The following MARCHF1 variants were observed in gnomAD, a reference collection of about 807,000 sequenced individuals.
MARCHF1 encodes membrane associated ring-CH-type finger 1, also known as E3 ubiquitin-protein ligase MARCHF1.
MARCHF1 carries 40 observed loss-of-function variants against 54.2 expected under a neutral mutation model. The observed-to-expected ratio is 0.74, with a 90% CI of 0.57 to 0.96. MARCHF1 has a LOEUF of 0.96. Among genes scored for constraint, MARCHF1 ranks in the 40% least tolerant of loss-of-function variants. The pLI is 0.00. For synonymous variants in MARCHF1, 236 were observed against 236.3 expected (o/e 1.00, Z 0.01); for missense variants, 586 against 656.5 (o/e 0.89, Z 1.17).
intron 3 of MARCHF1, among the ~76,000 whole-genome samples, chr4:163,884,597 T>C (rs1478542911): frequency 6.6e-6 from 1 of 152,144 alleles, no homozygotes; most frequent in Non-Finnish European, 1.5e-5. Flanking sequence ...TGGGACCTAG[T>C]CAGGTCACAG....
intron 2 of MARCHF1, among the ~76,000 whole-genome samples, chr4:164,038,009 T>C (rs889384569): frequency 6.6e-6 from 1 of 152,140 alleles, no homozygotes; most frequent in Non-Finnish European, 1.5e-5. Flanking sequence ...GGTGTGGCCA[T>C]GAAACTGCAC....
chr4:163,739,285 G>T (rs575817671), intron 4 of MARCHF1, among the ~76,000 whole-genome samples: 1 of 152,272 alleles, frequency 6.6e-6, no homozygotes, highest in Non-Finnish European at 1.5e-5. Flanking sequence ...CACTGAATCA[G>T]ACTATCCCAG....
intron 1 of MARCHF1, among the ~76,000 whole-genome samples, chr4:164,201,280 T>C (rs766001930): frequency 2.0e-5 from 3 of 152,124 alleles, no homozygotes; most frequent in Non-Finnish European, 4.4e-5. Context: ...AGTGCAATGG[T>C]GCGATCTCGG....
At chr4:164,256,432 T>TAAAAAAAAAAAAAAAAAAAAAAA (rs11345775) in intron 1 of MARCHF1, among the ~76,000 whole-genome samples, 1 of 121,860 alleles carries the variant, frequency 8.2e-6, no homozygotes, top group South Asian at 2.6e-4. Context: ...ACAAGAAGCT[T>TAAAAAAAAAAAAAAAAAAAAAAA]AAAAAAAAAA....
intron 4 of MARCHF1, among the ~76,000 whole-genome samples, chr4:163,793,891 C>T (rs939703677): frequency 6.6e-6 from 1 of 152,172 alleles, no homozygotes; most frequent in Non-Finnish European, 1.5e-5. Flanking sequence ...ATTGCTCACT[C>T]AGGGAGCTTG....
intron 2 of MARCHF1, among the ~76,000 whole-genome samples, chr4:164,092,811 A>G (rs900481405): frequency 2.0e-5 from 3 of 151,276 alleles, no homozygotes; most frequent in African/African-American, 7.3e-5. Flanking sequence ...CTCAATTATC[A>G]GAAGGAAATT....
rs1491232125 is a variant in MARCHF1, at chr4:164,356,781, A to AAAAAAAAAAAAAAAAAGC, written c.-323+27088_-323+27089insGCTTTTTTTTTTTTTTTT. Among the ~76,000 whole-genome samples the AAAAAAAAAAAAAAAAAGC allele has an allele frequency of 1.3e-3, 133 of 100,062 alleles. 1 individual carries two copies. Among genetic ancestry groups the AAAAAAAAAAAAAAAAAGC allele is most frequent in the Middle Eastern group, 4.5e-3 (1 of 222 alleles). 65.6% of individuals were successfully genotyped at this position (100,062 alleles called of 152,430 possible). On this transcript the variant is annotated intron_variant, in intron 1 of 9. Transcript: ENST00000514618. ...AGTATAATAAAAAAAAAAGAAAAGC[A>AAAAAAAAAAAAAAAAAGC]AAAAAAAAAAAAATAGTATTGTTAA...
intron 3 of MARCHF1, among the ~76,000 whole-genome samples, chr4:163,944,092 G>A (rs181556085): frequency 3.2e-4 from 47 of 149,202 alleles, no homozygotes; most frequent in African/African-American, 1.0e-3. Context: ...TCAGCCTCCC[G>A]AGTGGCTGGG....
At chr4:164,080,665 TG>T (rs1755076409) in intron 2 of MARCHF1, among the ~76,000 whole-genome samples, 2 of 150,696 alleles carry the variant, frequency 1.3e-5, no homozygotes, top group African/African-American at 4.9e-5. Flanking sequence ...TGTGTGTGTG[TG>T]TGTGTATATA....
intron 1 of MARCHF1, among the ~76,000 whole-genome samples, chr4:164,238,546 G>T (rs542173004): frequency 6.6e-6 from 1 of 151,850 alleles, no homozygotes; most frequent in Non-Finnish European, 1.5e-5. Context: ...TCCTTGGAGG[G>T]TAGATTTTAA....
rs57164970 is a variant in MARCHF1 at position 163,739,349 on chromosome 4, T to C, written c.112-38486A>G. On this transcript the variant is annotated intron_variant, in intron 4 of 9. Transcript: ENST00000514618. ...AAAAGGACATAACAAACTAGTTCAA[T>C]GTCATTATTCAACAAGTTATTATTC... Among the ~76,000 whole-genome samples, 1,366 of 152,316 alleles carry C rather than the reference T, an allele frequency of 9.0e-3. 20 individuals are homozygous for C. The highest frequency in any genetic ancestry group is 0.031 in the African/African-American group (1,293 of 41,572).
intron 3 of MARCHF1, among the ~76,000 whole-genome samples, chr4:163,900,339 CTTT>C (rs778800738): frequency 0.031 from 4,460 of 145,700 alleles, 97 homozygotes; most frequent in African/African-American, 0.039. Context: ...AGTATAGGTC[CTTT>C]TTTTTTTTTA....
intron 4 of MARCHF1, among the ~76,000 whole-genome samples, chr4:163,808,523 A>G (rs955147581): frequency 2.8e-4 from 43 of 152,154 alleles, no homozygotes; most frequent in African/African-American, 1.0e-3. Context: ...TGTGCTCCAG[A>G]AATAGTAATG....
At chr4:163,758,127 A>C (rs930888350) in intron 4 of MARCHF1, among the ~76,000 whole-genome samples, 10 of 152,258 alleles carry the variant, frequency 6.6e-5, no homozygotes, top group African/African-American at 2.2e-4. Flanking sequence ...CTCTTTCTAG[A>C]ATATTTTAAT....
At chr4:164,055,869 T>C (rs749706909) in intron 2 of MARCHF1, among the ~76,000 whole-genome samples, 13 of 152,228 alleles carry the variant, frequency 8.5e-5, no homozygotes, top group Non-Finnish European at 1.6e-4. Context: ...TTTTATTAGA[T>C]TATTGCTTTT....
At chr4:164,175,480 T>C (rs992696425) in intron 1 of MARCHF1, among the ~76,000 whole-genome samples, 5 of 152,226 alleles carry the variant, frequency 3.3e-5, no homozygotes, top group Non-Finnish European at 7.3e-5. Flanking sequence ...TCCATTATGA[T>C]AGTTAATTCT....
At chr4:164,039,958 C>A in intron 2 of MARCHF1, among the ~76,000 whole-genome samples, 1 of 146,404 alleles carries the variant, frequency 6.8e-6, no homozygotes, top group African/African-American at 2.5e-5. Context: ...TAAATTTCAC[C>A]TCATGAAATT....
intron 3 of MARCHF1, among the ~76,000 whole-genome samples, chr4:163,880,297 C>G (rs995885639): frequency 8.6e-5 from 13 of 150,968 alleles, no homozygotes; most frequent in African/African-American, 2.7e-4. Flanking sequence ...AATAACTTTT[C>G]AGAAAATAAT....
intron 3 of MARCHF1, among the ~76,000 whole-genome samples, chr4:163,916,445 G>A (rs1363793759): frequency 6.6e-6 from 1 of 152,112 alleles, no homozygotes; most frequent in Non-Finnish European, 1.5e-5. Flanking sequence ...AGGTGCACAG[G>A]TGTGTAAGGG....
Sources: allele counts gnomAD v4.1 joint callset (sites outside exome capture counted in the v4.1 genomes callset), GRCh38; gene constraint gnomAD v4.1.1; transcripts MANE v1.5; gene names NCBI Gene and HGNC (gene_info 2026-07-23, HGNC 2026-07-21).